Variants in PARP16 observed in about 807,000 individuals in gnomAD.
PARP16 encodes poly(ADP-ribose) polymerase family member 16, also known as protein mono-ADP-ribosyltransferase PARP16.
In PARP16, 31 loss-of-function variants were observed where a neutral mutation model predicts 35.0. The observed-to-expected ratio is 0.88, with a 90% CI of 0.66 to 1.19. The LOEUF is 1.19. PARP16 is among the 50% of genes most tolerant of loss of function. The probability of loss-of-function intolerance (pLI) is 0.00; values close to 1 mark genes in which losing one functional copy is unlikely to be tolerated. For missense variants in PARP16, 424 were observed against 411.2 expected, an observed-to-expected ratio of 1.03 and a Z score of -0.27; for synonymous variants, 162 against 169.5, an observed-to-expected ratio of 0.96 and a Z score of 0.34.
chr15:65,254,193 C>T (rs2081225740), downstream of PARP16, among the ~76,000 whole-genome samples: 1 of 152,170 alleles, frequency 6.6e-6, no homozygotes, highest in Admixed American at 6.5e-5. Context: ...TGCTGCTTTC[C>T]CTTTTCAGGG....
chr15:65,257,715 T>C (rs1315635125), downstream of PARP16, among the ~76,000 whole-genome samples: 3 of 151,918 alleles, frequency 2.0e-5, no homozygotes, highest in African/African-American at 7.3e-5. Flanking sequence ...GTTACATGTG[T>C]CACCTGAGTA....
At chr15:65,265,735 T>A (rs2089866513) in intron 3 of PARP16, among the ~76,000 whole-genome samples, 1 of 152,216 alleles carries the variant, frequency 6.6e-6, no homozygotes, top group Non-Finnish European at 1.5e-5. Context: ...CGCCTGAGAT[T>A]CGCATTTCCA....
intron 2 of PARP16, among the ~76,000 whole-genome samples, chr15:65,270,726 CAG>C (rs2090067651): frequency 6.6e-6 from 1 of 152,130 alleles, no homozygotes; most frequent in Non-Finnish European, 1.5e-5. Flanking sequence ...TGAGATGAGA[CAG>C]AATTCAGCTT....
At chr15:65,236,971 C>CAA (rs1161870802) in intron 3 of PARP16, among the ~76,000 whole-genome samples, 3 of 52,254 alleles carry the variant, frequency 5.7e-5, no homozygotes, top group African/African-American at 1.3e-4. Context: ...GACTCTGTCT[C>CAA]AAAAAAAAAA....
chr15:65,240,376 C>A (rs1331111170), intron 3 of PARP16, among the ~76,000 whole-genome samples: 1 of 142,738 alleles, frequency 7.0e-6, no homozygotes, highest in African/African-American at 2.8e-5. Flanking sequence ...GGATTACAGG[C>A]GTGAGCCACA....
chr15:65,256,894 T>G (rs796469645), downstream of PARP16, among the ~76,000 whole-genome samples: 4 of 152,278 alleles, frequency 2.6e-5, no homozygotes, highest in African/African-American at 7.2e-5. Flanking sequence ...CCAATTCCTC[T>G]GGGGGAAGGA....
At chr15:65,257,953 C>T (rs1348100874), downstream of PARP16, 2 of 152,086 alleles carry the variant, frequency 1.3e-5, no homozygotes, top group Non-Finnish European at 2.9e-5. Context: ...AAATCCAACA[C>T]CTCCTAGATA....
intron 3 of PARP16, among the ~76,000 whole-genome samples, chr15:65,247,466 GTAAT>G (rs2089239855): frequency 6.6e-6 from 1 of 152,158 alleles, no homozygotes; most frequent in African/African-American, 2.4e-5. Flanking sequence ...CCTCTAAAAA[GTAAT>G]TAATTAACCC....
Position 65,286,319 on chromosome 15 carries a change from G to A in PARP16, c.108C>T (p.Arg36=). The A allele has an allele frequency of 6.2e-7, 1 of 1,603,894 alleles. No homozygotes were observed. The highest frequency in any genetic ancestry group is 8.5e-7 in the Non-Finnish European group (1 of 1,176,514). The change falls in exon 1 of 6, where the codon CGC becomes CGT. Residue 36 remains arginine, a synonymous_variant. Coordinates refer to ENST00000649807, the MANE Select transcript of PARP16 (RefSeq NM_001316943.2). ...CGGGGAAGGGCCGCAGCACCGAGTC[G>A]CGCTTGTAGCTCTGCAGGGCCGAGG... ...LFASALQSYK[R]DSVLRPFPAS...
At chr15:65,278,067 G>A (rs1037943710) in intron 1 of PARP16, among the ~76,000 whole-genome samples, 39 of 152,220 alleles carry the variant, frequency 2.6e-4, no homozygotes, top group African/African-American at 8.7e-4. Flanking sequence ...GAAAGAGCAC[G>A]GCAGATGGGC....
chr15:65,251,918 C>A (rs1266210254), intron 2 of PARP16, among the ~76,000 whole-genome samples: 2 of 152,140 alleles, frequency 1.3e-5, no homozygotes, highest in African/African-American at 2.4e-5. Context: ...GCGCCCACCA[C>A]CCCGCCCGGC....
intron 3 of PARP16, among the ~76,000 whole-genome samples, chr15:65,263,748 T>C (rs1289029470): frequency 6.6e-6 from 1 of 152,198 alleles, no homozygotes; most frequent in Non-Finnish European, 1.5e-5. Context: ...TGAGGCAATA[T>C]ACATACATAA....
chr15:65,253,541 G>A (rs918676945), downstream of PARP16, among the ~76,000 whole-genome samples: 54 of 151,592 alleles, frequency 3.6e-4, no homozygotes, highest in Middle Eastern at 3.4e-3. Context: ...TGTTTTAGCC[G>A]GGATGGTCTC....
At chr15:65,269,205 T>TCTCTCTCTCTCTCTCTCCTCTC (rs1567029678) in intron 2 of PARP16, among the ~76,000 whole-genome samples, 12 of 147,378 alleles carry the variant, frequency 8.1e-5, no homozygotes, top group African/African-American at 2.8e-4. Context: ...TCTTTCTTTC[T>TCTCTCTCTCTCTCTCTCCTCTC]TTTTTTTTTG....
intron 3 of PARP16, among the ~76,000 whole-genome samples, chr15:65,246,224 G>A (rs1206414621): frequency 1.3e-5 from 2 of 152,122 alleles, no homozygotes; most frequent in Non-Finnish European, 2.9e-5. Flanking sequence ...GATATTTTGG[G>A]AGAGCATAAG....
intron 3 of PARP16, among the ~76,000 whole-genome samples, chr15:65,244,402 T>C (rs2089155184): frequency 6.6e-6 from 1 of 152,152 alleles, no homozygotes. Context: ...CTCACAATCA[T>C]GGCGGAAGAT....
At chr15:65,249,138 A>G (rs1567012688) in intron 2 of PARP16, among the ~76,000 whole-genome samples, 1 of 152,362 alleles carries the variant, frequency 6.6e-6, no homozygotes, top group East Asian at 1.9e-4. Context: ...TCTTGCTCAG[A>G]GCCCCTAGCG....
chr15:65,244,355 G>A (rs191096813), intron 3 of PARP16, among the ~76,000 whole-genome samples: 46 of 152,320 alleles, frequency 3.0e-4, no homozygotes, highest in African/African-American at 1.1e-3. Context: ...AAAGGAAAGA[G>A]GTTTAATGGA....
At chr15:65,238,279 C>T (rs909057757) in intron 3 of PARP16, among the ~76,000 whole-genome samples, 14 of 152,128 alleles carry the variant, frequency 9.2e-5, no homozygotes, top group African/African-American at 2.7e-4. Flanking sequence ...AGCAAAAACT[C>T]TGCCTCAAAA....
Sources: allele counts gnomAD v4.1 joint callset (sites outside exome capture counted in the v4.1 genomes callset), GRCh38; gene constraint gnomAD v4.1.1; transcripts MANE v1.5; gene names NCBI Gene and HGNC (gene_info 2026-07-23, HGNC 2026-07-21).